The following ST7 variants were observed in gnomAD, a reference collection of about 807,000 sequenced individuals.
ST7 encodes the protein suppression of tumorigenicity 7.
A neutral mutation model predicts 78.7 loss-of-function variants in ST7; 28 were observed. That is an observed-to-expected ratio of 0.36 (90% CI 0.26 to 0.49). ST7 has a LOEUF of 0.49. ST7 is among the 20% of genes least tolerant of loss of function. ST7 has a pLI of 0.99. For synonymous variants in ST7, 247 were observed against 249.6 expected (o/e 0.99, Z 0.10); for missense variants, 418 against 696.0 (o/e 0.60, Z 4.49).
At chr7:117,112,271 T>C (rs1274536381) in intron 2 of ST7, 1 of 152,198 alleles carries the variant, frequency 6.6e-6, no homozygotes, top group African/African-American at 2.4e-5. Context: ...TGGTAGCAGA[T>C]GACGATTGAA....
chr7:116,969,599 A>G (rs1397040283), intron 1 of ST7, among the ~76,000 whole-genome samples: 1 of 152,166 alleles, frequency 6.6e-6, no homozygotes, highest in Admixed American at 6.5e-5. Flanking sequence ...TTCGCTTTGC[A>G]CAGGCTGCAC....
At chr7:117,183,459 TC>T (rs1808955463) in intron 10 of ST7, among the ~76,000 whole-genome samples, 1 of 151,802 alleles carries the variant, frequency 6.6e-6, no homozygotes, top group Non-Finnish European at 1.5e-5. Flanking sequence ...AATTGAGGCA[TC>T]AATTACATAT....
chr7:117,066,297 A>G (rs1032397318), intron 1 of ST7, among the ~76,000 whole-genome samples: 5 of 152,220 alleles, frequency 3.3e-5, no homozygotes, highest in Non-Finnish European at 7.3e-5. Context: ...CAACAAAACT[A>G]TAAACTCTGG....
chr7:117,020,430 C>T (rs1380180493), intron 1 of ST7: 5 of 658,390 alleles, frequency 7.6e-6, no homozygotes, highest in African/African-American at 1.8e-5. Flanking sequence ...AACTGAAGCT[C>T]GTAACAGGAG....
At chr7:117,170,250 A>C (rs1807886876) in intron 9 of ST7, among the ~76,000 whole-genome samples, 1 of 152,148 alleles carries the variant, frequency 6.6e-6, no homozygotes, top group African/African-American at 2.4e-5. Context: ...ACTTTTATGA[A>C]AACCTGTCTT....
intron 1 of ST7, among the ~76,000 whole-genome samples, chr7:116,967,668 TGA>T (rs1295168741): frequency 6.6e-6 from 1 of 152,238 alleles, no homozygotes; most frequent in Non-Finnish European, 1.5e-5. Flanking sequence ...ATGATAATGA[TGA>T]GTACCTCATA....
intron 1 of ST7, chr7:117,020,554 T>C (rs2116023290): frequency 1.9e-6 from 3 of 1,544,662 alleles, no homozygotes; most frequent in Admixed American, 4.0e-5. Context: ...TTCTTTCTTT[T>C]TTTTTTCCCT....
intron 2 of ST7, among the ~76,000 whole-genome samples, chr7:117,101,185 T>C (rs1416313645): frequency 1.3e-5 from 2 of 152,194 alleles, no homozygotes; most frequent in Non-Finnish European, 2.9e-5. Flanking sequence ...CTGTGTCATA[T>C]GGATTGTTAA....
intron 1 of ST7, among the ~76,000 whole-genome samples, chr7:116,985,462 T>C (rs1468598123): frequency 6.6e-6 from 1 of 152,244 alleles, no homozygotes; most frequent in Admixed American, 6.5e-5. Flanking sequence ...TAGTAGTGGA[T>C]AGTCAACATC....
At position 117,104,019 on chromosome 7, in the gene ST7, G is replaced by A. The variant is rs1315374022; in HGVS notation, c.234+4175G>A. 2.0e-5 allele frequency among the ~76,000 whole-genome samples: 3 copies of A among 152,268 alleles called. No homozygotes were observed. The East Asian group carries it at 5.8e-4, about 29-fold the overall frequency. On this transcript the variant is annotated intron_variant, in intron 2 of 15. Coordinates refer to ENST00000323984, the MANE Select transcript of ST7 (RefSeq NM_001369598.1). ...CAGTATCACTAATCATCAGAGAAAT[G>A]CAGACCAAAACCACAACGAGCTATC...
At chr7:116,982,366 G>A (rs1006368986) in intron 1 of ST7, among the ~76,000 whole-genome samples, 3 of 151,720 alleles carry the variant, frequency 2.0e-5, no homozygotes, top group Non-Finnish European at 2.9e-5. Flanking sequence ...CTAGGATTAC[G>A]GGCATGCACC....
chr7:117,134,602 T>C (rs1804631869), intron 7 of ST7, among the ~76,000 whole-genome samples: 1 of 152,066 alleles, frequency 6.6e-6, no homozygotes, highest in Admixed American at 6.6e-5. Context: ...CTAATTCCTC[T>C]GATACTGTAT....
At chr7:117,110,240 A>G (rs1388659270) in intron 2 of ST7, among the ~76,000 whole-genome samples, 1 of 152,254 alleles carries the variant, frequency 6.6e-6, no homozygotes, top group Non-Finnish European at 1.5e-5. Context: ...GCAAATAGAA[A>G]AAAAGAACTT....
chr7:117,062,577 G>T (rs372653194), intron 1 of ST7, among the ~76,000 whole-genome samples: 2 of 152,058 alleles, frequency 1.3e-5, no homozygotes, highest in East Asian at 3.9e-4. Context: ...CCATTCATGT[G>T]TTTATTTTTT....
At chr7:117,148,119 G>A (rs1158630322) in intron 9 of ST7, among the ~76,000 whole-genome samples, 1 of 152,128 alleles carries the variant, frequency 6.6e-6, no homozygotes, top group Non-Finnish European at 1.5e-5. Flanking sequence ...TAAGAAGAAT[G>A]TGATAGAATA....
At chr7:117,023,515 T>C (rs911601962) in intron 1 of ST7, among the ~76,000 whole-genome samples, 6 of 152,212 alleles carry the variant, frequency 3.9e-5, no homozygotes, top group Non-Finnish European at 8.8e-5. Flanking sequence ...TTCTATAGTA[T>C]GTGTAGACTA....
chr7:117,052,412 A>G (rs1797833538), intron 1 of ST7, among the ~76,000 whole-genome samples: 1 of 152,194 alleles, frequency 6.6e-6, no homozygotes. Context: ...TATCTTTGCA[A>G]CTTTCAGTCT....
chr7:116,967,535 C>A, intron 1 of ST7: 1 of 376,498 alleles, frequency 2.7e-6, no homozygotes, highest in Non-Finnish European at 5.5e-6. Context: ...CCAGCCTTTC[C>A]ATTCTTGAAT....
chr7:117,046,713 G>T (rs1797511293), intron 1 of ST7, among the ~76,000 whole-genome samples: 1 of 152,110 alleles, frequency 6.6e-6, no homozygotes, highest in Non-Finnish European at 1.5e-5. Flanking sequence ...ATGGGTAATG[G>T]AAACACTTAG....
Sources: allele counts gnomAD v4.1 joint callset (sites outside exome capture counted in the v4.1 genomes callset), GRCh38; gene constraint gnomAD v4.1.1; transcripts MANE v1.5; gene names NCBI Gene and HGNC (gene_info 2026-07-23, HGNC 2026-07-21).